CDKAL1: variants seen among roughly 807,000 people sequenced by gnomAD.
CDKAL1 encodes CDKAL1 threonylcarbamoyladenosine tRNA methylthiotransferase, also known as threonylcarbamoyladenosine tRNA methylthiotransferase.
Under a neutral mutation model 68.2 loss-of-function variants are expected in CDKAL1, and 32 were observed. That is an observed-to-expected ratio of 0.47 (90% CI 0.35 to 0.63). The LOEUF (loss-of-function observed/expected upper bound fraction) is 0.63, where lower values mean the gene tolerates loss of function less well. CDKAL1 is among the 30% of genes least tolerant of loss of function. The pLI, the probability that CDKAL1 is intolerant of heterozygous loss-of-function variation, is 0.00. For missense variants in CDKAL1, 606 were observed against 696.7 expected, an observed-to-expected ratio of 0.87 and a Z score of 1.47; for synonymous variants, 234 against 244.3, an observed-to-expected ratio of 0.96 and a Z score of 0.39.
At chr6:20,825,488 G>C (rs1198148595) in intron 8 of CDKAL1, among the ~76,000 whole-genome samples, 1 of 152,220 alleles carries the variant, frequency 6.6e-6, no homozygotes, top group Non-Finnish European at 1.5e-5. Context: ...TCAAAGATAA[G>C]ATATAGACAG....
intron 4 of CDKAL1, chr6:20,558,510 CAG>C: frequency 2.2e-6 from 1 of 456,718 alleles, no homozygotes; most frequent in South Asian, 1.5e-5. Context: ...ATGAACTAGA[CAG>C]ACTCTTTTTG....
intron 12 of CDKAL1, among the ~76,000 whole-genome samples, chr6:21,080,395 T>C (rs551952565): frequency 6.6e-6 from 1 of 152,312 alleles, no homozygotes; most frequent in Non-Finnish European, 1.5e-5. Context: ...GTGTAAACAG[T>C]GTGCATGGGT....
intron 4 of CDKAL1, among the ~76,000 whole-genome samples, chr6:20,623,792 G>A (rs534748291): frequency 6.6e-6 from 1 of 151,966 alleles, no homozygotes; most frequent in Non-Finnish European, 1.5e-5. Flanking sequence ...GCAGAGTCTG[G>A]AGCCAGACTG....
intron 8 of CDKAL1, among the ~76,000 whole-genome samples, chr6:20,784,413 T>TTTTC (rs1775575289): frequency 4.0e-5 from 1 of 25,042 alleles, no homozygotes; most frequent in African/African-American, 1.9e-4. Flanking sequence ...ATTTTATTTC[T>TTTTC]TTTTTTTTTT....
intron 13 of CDKAL1, among the ~76,000 whole-genome samples, chr6:21,123,963 T>C (rs1774858660): frequency 2.0e-5 from 3 of 152,236 alleles, no homozygotes; most frequent in Admixed American, 2.0e-4. Context: ...GGAATACCTT[T>C]CTAGGACTGA....
At chr6:20,966,891 C>G (rs1765344823) in intron 10 of CDKAL1, among the ~76,000 whole-genome samples, 1 of 152,076 alleles carries the variant, frequency 6.6e-6, no homozygotes, top group South Asian at 2.1e-4. Flanking sequence ...TCAGCAGACT[C>G]TTTTTATTTT....
chr6:20,726,319 T>G (rs574719205), intron 5 of CDKAL1, among the ~76,000 whole-genome samples: 1 of 152,238 alleles, frequency 6.6e-6, no homozygotes, highest in East Asian at 1.9e-4. Flanking sequence ...GTTCTCCATA[T>G]ATCCTACTTT....
intron 13 of CDKAL1, among the ~76,000 whole-genome samples, chr6:21,162,050 C>A (rs1485284223): frequency 6.6e-6 from 1 of 152,170 alleles, no homozygotes; most frequent in Admixed American, 6.5e-5. Flanking sequence ...CCGATATTTT[C>A]TTGAAACTGT....
chr6:21,013,732 G>A (rs1038288786), intron 11 of CDKAL1, among the ~76,000 whole-genome samples: 2 of 152,352 alleles, frequency 1.3e-5, no homozygotes, highest in East Asian at 1.9e-4. Context: ...CCAGCCTGCA[G>A]TATGAGTCCT....
intron 9 of CDKAL1, among the ~76,000 whole-genome samples, chr6:20,950,128 G>A (rs971727027): frequency 2.6e-5 from 4 of 151,980 alleles, no homozygotes; most frequent in Non-Finnish European, 5.9e-5. Flanking sequence ...GGTCATTTTA[G>A]GCAGAGGAAA....
intron 15 of CDKAL1, among the ~76,000 whole-genome samples, chr6:21,207,889 G>C (rs1453608844): frequency 2.0e-5 from 3 of 152,210 alleles, no homozygotes; most frequent in South Asian, 4.1e-4. Flanking sequence ...GACAATGGCA[G>C]ATGAAACCAG....
At chr6:21,225,818 T>C (rs1159994258) in intron 15 of CDKAL1, among the ~76,000 whole-genome samples, 2 of 152,248 alleles carry the variant, frequency 1.3e-5, no homozygotes, top group Non-Finnish European at 2.9e-5. Context: ...AATGACTTTG[T>C]AATTTACAAA....
intron 15 of CDKAL1, among the ~76,000 whole-genome samples, chr6:21,228,537 T>G (rs1779835940): frequency 6.6e-6 from 1 of 152,206 alleles, no homozygotes; most frequent in African/African-American, 2.4e-5. Context: ...CAGGACACAT[T>G]GATCACCAGA....
chr6:20,654,398 C>CA (rs1768930140), intron 5 of CDKAL1, among the ~76,000 whole-genome samples: 1 of 151,890 alleles, frequency 6.6e-6, no homozygotes, highest in African/African-American at 2.4e-5. Context: ...TATCTTCTCC[C>CA]AATTGTGGCT....
At chr6:20,927,883 A>G (rs968579174) in intron 9 of CDKAL1, among the ~76,000 whole-genome samples, 4 of 152,092 alleles carry the variant, frequency 2.6e-5, no homozygotes, top group Non-Finnish European at 4.4e-5. Context: ...TTATTCTATC[A>G]GTTTTTATTA....
At chr6:20,936,165 C>T (rs1763695820) in intron 9 of CDKAL1, among the ~76,000 whole-genome samples, 1 of 151,362 alleles carries the variant, frequency 6.6e-6, no homozygotes, top group South Asian at 2.1e-4. Context: ...TTATGCCGAC[C>T]TATCTTATAA....
chr6:20,909,986 A>G (rs1261606128), intron 9 of CDKAL1, among the ~76,000 whole-genome samples: 1 of 152,234 alleles, frequency 6.6e-6, no homozygotes, highest in Non-Finnish European at 1.5e-5. Flanking sequence ...GTAGTTATCT[A>G]GTCATTTCTC....
chr6:20,945,685 A>T (rs1764202257), intron 9 of CDKAL1, among the ~76,000 whole-genome samples: 1 of 152,224 alleles, frequency 6.6e-6, no homozygotes, highest in East Asian at 1.9e-4. Context: ...CAGTAGTAGT[A>T]TTTAGACTCC....
chr6:21,185,816 A>T (rs1357233498), intron 13 of CDKAL1, among the ~76,000 whole-genome samples: 1 of 152,226 alleles, frequency 6.6e-6, no homozygotes. Flanking sequence ...GTTTTAGAAG[A>T]AGTAGTATTC....
Sources: gnomAD v4.1 joint callset for allele counts (sites outside exome capture counted in the v4.1 genomes callset) on GRCh38, gnomAD v4.1.1 for gene constraint, MANE v1.5 for transcripts, NCBI Gene and HGNC (gene_info 2026-07-23, HGNC 2026-07-21) for gene names.